TCF4: variants seen among roughly 807,000 people sequenced by gnomAD.
TCF4 encodes the protein transcription factor 4.
TCF4 carries 3 observed loss-of-function variants against 82.1 expected under a neutral mutation model. That is an observed-to-expected ratio of 0.04 (90% CI 0.02 to 0.09). The LOEUF (loss-of-function observed/expected upper bound fraction) is 0.09. TCF4 is among the 10% of genes least tolerant of loss of function. The pLI, the probability that TCF4 is intolerant of heterozygous loss-of-function variation, is 1.00. For synonymous variants in TCF4, 276 were observed against 309.6 expected (o/e 0.89, Z 1.14); for missense variants, 518 against 852.7 (o/e 0.61, Z 4.89).
chr18:55,506,821 A>G (rs1260065496), intron 3 of TCF4, among the ~76,000 whole-genome samples: 1 of 151,952 alleles, frequency 6.6e-6, no homozygotes, highest in Non-Finnish European at 1.5e-5. Context: ...ACATAGAACA[A>G]TTATAATATA....
intron 15 of TCF4, among the ~76,000 whole-genome samples, chr18:55,249,519 A>C (rs1334527987): frequency 6.6e-6 from 1 of 152,128 alleles, no homozygotes; most frequent in Non-Finnish European, 1.5e-5. Context: ...CTCCTCTACT[A>C]AACAACCATG....
chr18:55,485,928 C>A (rs2145692586), intron 3 of TCF4, among the ~76,000 whole-genome samples: 1 of 152,308 alleles, frequency 6.6e-6, no homozygotes, highest in East Asian at 1.9e-4. Context: ...ATATTTCTTG[C>A]TTGAGGCAAA....
intron 2 of TCF4, among the ~76,000 whole-genome samples, chr18:55,616,744 C>T (rs1411927695): frequency 6.6e-6 from 1 of 152,038 alleles, no homozygotes; most frequent in Non-Finnish European, 1.5e-5. Flanking sequence ...ATTTATATGT[C>T]TCTTTTTGAG....
chr18:55,259,538 T>G (rs2057586433), intron 13 of TCF4: 1 of 162,402 alleles, frequency 6.2e-6, no homozygotes, highest in South Asian at 1.7e-4. Flanking sequence ...AGCCTGAAAT[T>G]CCTGCAGGAA....
chr18:55,513,369 CT>C (rs71167299), intron 3 of TCF4, among the ~76,000 whole-genome samples: 110,114 of 142,042 alleles, frequency 0.78, 42,750 homozygotes, highest in Middle Eastern at 0.86. Context: ...TAGCCCTCAG[CT>C]TTTTTTTTTT....
chr18:55,479,091 C>A (rs1295461714), intron 3 of TCF4: 1 of 152,050 alleles, frequency 6.6e-6, no homozygotes, highest in Non-Finnish European at 1.5e-5. Context: ...TCATTTTAAA[C>A]CTGTAACCAA....
chr18:55,612,309 G>A (rs1424052700), intron 2 of TCF4, among the ~76,000 whole-genome samples: 1 of 152,072 alleles, frequency 6.6e-6, no homozygotes, highest in Non-Finnish European at 1.5e-5. Flanking sequence ...AGGGGGGAGA[G>A]TGAGAAAGCA....
intron 3 of TCF4, among the ~76,000 whole-genome samples, chr18:55,508,830 T>C (rs1418484458): frequency 6.6e-6 from 1 of 152,226 alleles, no homozygotes; most frequent in East Asian, 1.9e-4. Context: ...CGCTAAATGC[T>C]ACAAGGTTTC....
upstream of TCF4, among the ~76,000 whole-genome samples, chr18:55,591,524 T>G (rs571121320): frequency 6.6e-6 from 1 of 152,234 alleles, no homozygotes; most frequent in African/African-American, 2.4e-5. Context: ...TTGTTTGTTT[T>G]GTTTTGTTTT....
intron 2 of TCF4, among the ~76,000 whole-genome samples, chr18:55,594,976 A>G (rs914907678): frequency 6.6e-6 from 1 of 152,216 alleles, no homozygotes; most frequent in Non-Finnish European, 1.5e-5. Flanking sequence ...ACCCAGGTAC[A>G]GACAAAATAC....
intron 8 of TCF4, among the ~76,000 whole-genome samples, chr18:55,305,852 C>A (rs1373045744): frequency 2.0e-5 from 3 of 152,044 alleles, no homozygotes; most frequent in Non-Finnish European, 4.4e-5. Flanking sequence ...AGGATAATGC[C>A]CTTCAAAATA....
At chr18:55,394,919 G>A (rs1423947868) in intron 6 of TCF4, among the ~76,000 whole-genome samples, 1 of 152,174 alleles carries the variant, frequency 6.6e-6, no homozygotes, top group Non-Finnish European at 1.5e-5. Flanking sequence ...AGGCACGGCA[G>A]CAGACTCAAC....
chr18:55,530,769 C>T (rs1216523005), intron 3 of TCF4, among the ~76,000 whole-genome samples: 2 of 152,074 alleles, frequency 1.3e-5, no homozygotes, highest in East Asian at 3.9e-4. Flanking sequence ...GCAAACATTT[C>T]TGACAGAAGT....
At chr18:55,272,237 A>T (rs190890230) in intron 10 of TCF4, among the ~76,000 whole-genome samples, 1 of 152,284 alleles carries the variant, frequency 6.6e-6, no homozygotes, top group East Asian at 1.9e-4. Context: ...ACTCATAGAA[A>T]ATTAGTTGTT....
intron 8 of TCF4, among the ~76,000 whole-genome samples, chr18:55,336,663 T>C (rs1305055235): frequency 6.6e-6 from 1 of 152,126 alleles, no homozygotes; most frequent in Non-Finnish European, 1.5e-5. Flanking sequence ...TTAATGATTA[T>C]GAATAGTAAA....
intron 3 of TCF4, among the ~76,000 whole-genome samples, chr18:55,559,589 A>G (rs1034228585): frequency 3.3e-5 from 5 of 151,926 alleles, no homozygotes; most frequent in Admixed American, 2.0e-4. Context: ...CACAACTTAA[A>G]TTACTTGTAG....
At position 55,493,463 on chromosome 18, in the gene TCF4, T is replaced by A. The variant is rs189597362; in HGVS notation, c.146-29326A>T. ...TGAAACAAGCTTTTTTTTAAAATGCTGGTCTACATTATTCTTTCAGAAGGC... is the reference window on the plus strand; with the variant it reads ...TGAAACAAGCTTTTTTTTAAAATGCAGGTCTACATTATTCTTTCAGAAGGC... On this transcript the variant is annotated intron_variant, in intron 3 of 19. Transcript: ENST00000354452. Among the ~76,000 whole-genome samples the A allele has an allele frequency of 7.2e-5, 11 of 152,244 alleles. 1 individual carries two copies. In the East Asian group the frequency reaches 1.7e-3, roughly 24 times the overall value.
Position 55,350,378 on chromosome 18 carries a change from G to A in TCF4, c.530C>T (p.Pro177Leu). 6.2e-7 allele frequency: 1 copy of A among 1,613,640 alleles called. No individual in the cohort carries two copies. The highest frequency in any genetic ancestry group is 8.5e-7 in the Non-Finnish European group (1 of 1,179,690). Residue 177 changes from proline (P) to leucine (L), a missense_variant, in exon 8 of 20, where the codon CCT (proline) becomes CTT (leucine). Physicochemically the swap from Pro to Leu is moderately conservative, Grantham distance 98. Coordinates refer to ENST00000354452, the MANE Select transcript of TCF4 (RefSeq NM_001083962.2). ...EVQTKKVRKV[P>L]PGLPSSVYAP... ...ACTTACTGAAGATGGCAAACCTGGAGGAACTTTTCGAACTTTCTTTGTCTG... is the reference window on the plus strand; with the variant it reads ...ACTTACTGAAGATGGCAAACCTGGAAGAACTTTTCGAACTTTCTTTGTCTG...
intron 3 of TCF4, among the ~76,000 whole-genome samples, chr18:55,466,515 T>TA (rs2096023846): frequency 1.3e-5 from 2 of 152,100 alleles, no homozygotes; most frequent in Admixed American, 6.5e-5. Flanking sequence ...TATATATATA[T>TA]TTTTGGTGTT....
Sources: allele counts gnomAD v4.1 joint callset (sites outside exome capture counted in the v4.1 genomes callset), GRCh38; gene constraint gnomAD v4.1.1; transcripts MANE v1.5; gene names NCBI Gene and HGNC (gene_info 2026-07-23, HGNC 2026-07-21).